The following PBX3 variants were observed in gnomAD, a reference collection of about 807,000 sequenced individuals.
The protein encoded by PBX3 is PBX homeobox 3.
Under a neutral mutation model 48.5 loss-of-function variants are expected in PBX3, and 14 were observed. The observed-to-expected ratio is 0.29, with a 90% CI of 0.19 to 0.45. The LOEUF (loss-of-function observed/expected upper bound fraction) is 0.45, where lower values mean the gene tolerates loss of function less well. Ranked by LOEUF, PBX3 falls within the 20% of genes least tolerant of loss-of-function variation. The pLI is 1.00. For synonymous variants in PBX3, 210 were observed against 200.3 expected, an observed-to-expected ratio of 1.05 and a Z score of -0.41; for missense variants, 386 against 546.7, an observed-to-expected ratio of 0.71 and a Z score of 2.93.
intron 2 of PBX3, among the ~76,000 whole-genome samples, chr9:125,879,208 G>T (rs1219776415): frequency 2.6e-5 from 4 of 151,284 alleles, no homozygotes; most frequent in African/African-American, 9.7e-5. Context: ...CTCCTGAGTA[G>T]CTGGGACTAC....
chr9:125,939,624 A>G (rs10987052), intron 5 of PBX3, among the ~76,000 whole-genome samples: 10,683 of 152,196 alleles, frequency 0.07, 863 homozygotes, highest in African/African-American at 0.18. Flanking sequence ...ACTGGTAAGA[A>G]CATTCATAGT....
At chr9:125,943,852 A>C (rs992471044) in intron 5 of PBX3, among the ~76,000 whole-genome samples, 1 of 152,226 alleles carries the variant, frequency 6.6e-6, no homozygotes, top group African/African-American at 2.4e-5. Flanking sequence ...AAGGGTCAGT[A>C]GATCTCAAGA....
At chr9:125,778,293 CTG>C (rs1394376160) in intron 2 of PBX3, among the ~76,000 whole-genome samples, 1 of 148,036 alleles carries the variant, frequency 6.8e-6, no homozygotes, top group African/African-American at 2.5e-5. Context: ...GAGTCTCACT[CTG>C]TCGTTCAGGC....
At chr9:125,805,050 A>G (rs1838082875) in intron 2 of PBX3, among the ~76,000 whole-genome samples, 2 of 152,232 alleles carry the variant, frequency 1.3e-5, no homozygotes, top group South Asian at 4.1e-4. Flanking sequence ...AAATCCAAGT[A>G]TATCAACAGA....
chr9:125,912,296 A>G (rs956853877), intron 2 of PBX3, among the ~76,000 whole-genome samples: 3 of 152,164 alleles, frequency 2.0e-5, no homozygotes, highest in African/African-American at 7.2e-5. Flanking sequence ...CCGTAATCAT[A>G]CCATTTGAGT....
At position 125,774,745 on chromosome 9, in the gene PBX3, A is replaced by G. The variant is rs150464123; in HGVS notation, c.274+26122A>G. ...GTATTTATTTGATTACCTGTTTTCA[A>G]TTCTTTTGGTGTACAGCTAGGAGTA... On this transcript the variant is annotated intron_variant, in intron 2 of 8. Transcript: ENST00000373489. Among the ~76,000 whole-genome samples the G allele has an allele frequency of 1.8e-3, 269 of 152,024 alleles. 2 individuals are homozygous for G. Among genetic ancestry groups the G allele is most frequent in the Middle Eastern group, 3.4e-3 (1 of 294 alleles).
At chr9:125,793,362 AAAAAATATATATAT>A (rs997826945) in intron 2 of PBX3, among the ~76,000 whole-genome samples, 2 of 65,652 alleles carry the variant, frequency 3.0e-5, no homozygotes, top group African/African-American at 1.1e-4. Context: ...GGGGGGAAAA[AAAAAATATATATAT>A]ATATATATAT....
At chr9:125,853,197 A>G (rs1049831025) in intron 2 of PBX3, among the ~76,000 whole-genome samples, 3 of 152,166 alleles carry the variant, frequency 2.0e-5, no homozygotes, top group Non-Finnish European at 4.4e-5. Context: ...TGAATTAAGA[A>G]TTACTTTAAG....
chr9:125,867,280 A>G (rs966205070), intron 2 of PBX3, among the ~76,000 whole-genome samples: 1 of 152,162 alleles, frequency 6.6e-6, no homozygotes, highest in Admixed American at 6.5e-5. Flanking sequence ...TGGGTAATAC[A>G]TTTTTAGATG....
intron 2 of PBX3, among the ~76,000 whole-genome samples, chr9:125,758,107 C>G (rs192144528): frequency 6.6e-6 from 1 of 152,232 alleles, no homozygotes; most frequent in Non-Finnish European, 1.5e-5. Flanking sequence ...TGACTGTGAT[C>G]AAGTAGAGAT....
intron 2 of PBX3, among the ~76,000 whole-genome samples, chr9:125,834,315 T>C (rs1173243503): frequency 3.3e-5 from 5 of 152,176 alleles, no homozygotes; most frequent in Non-Finnish European, 5.9e-5. Flanking sequence ...ACTCTAAAGA[T>C]GTCACCTTTC....
At chr9:125,903,900 G>A (rs1841009741) in intron 2 of PBX3, among the ~76,000 whole-genome samples, 2 of 151,778 alleles carry the variant, frequency 1.3e-5, no homozygotes, top group South Asian at 2.1e-4. Context: ...CCTTCCAGCT[G>A]TGTGACTATG....
intron 2 of PBX3, among the ~76,000 whole-genome samples, chr9:125,825,073 C>T (rs1023748064): frequency 6.6e-6 from 1 of 152,150 alleles, no homozygotes; most frequent in Admixed American, 6.5e-5. Context: ...CACTTGAGCT[C>T]AGGAGTTCGA....
chr9:125,806,446 G>A (rs1478314380), intron 2 of PBX3, among the ~76,000 whole-genome samples: 2 of 152,198 alleles, frequency 1.3e-5, no homozygotes, highest in Non-Finnish European at 2.9e-5. Flanking sequence ...CAGGTTCGGT[G>A]TCTGGTCAGG....
chr9:125,862,117 C>G (rs886559974), intron 2 of PBX3, among the ~76,000 whole-genome samples: 1 of 152,136 alleles, frequency 6.6e-6, no homozygotes, highest in Admixed American at 6.5e-5. Context: ...TTAACAGTTG[C>G]TGCCAGCCAG....
intron 2 of PBX3, among the ~76,000 whole-genome samples, chr9:125,791,925 G>A (rs963957698): frequency 2.0e-5 from 3 of 151,792 alleles, no homozygotes; most frequent in Admixed American, 6.6e-5. Context: ...CTCTCCAGCC[G>A]TGCTTCCCAT....
chr9:125,856,912 A>T (rs1217923106), intron 2 of PBX3, among the ~76,000 whole-genome samples: 3 of 152,148 alleles, frequency 2.0e-5, no homozygotes, highest in Non-Finnish European at 4.4e-5. Context: ...GCCCAATTCT[A>T]TTGTAATATT....
intron 2 of PBX3, among the ~76,000 whole-genome samples, chr9:125,785,697 A>G (rs967539907): frequency 1.8e-4 from 27 of 152,166 alleles, no homozygotes; most frequent in African/African-American, 5.8e-4. Context: ...ATTTATACAT[A>G]TATCCTGTTA....
chr9:125,839,628 A>G (rs1839232940), intron 2 of PBX3, among the ~76,000 whole-genome samples: 1 of 152,172 alleles, frequency 6.6e-6, no homozygotes, highest in Admixed American at 6.5e-5. Context: ...AAGCCTGGAA[A>G]CGAGAGTCTT....
Sources: allele counts gnomAD v4.1 joint callset (sites outside exome capture counted in the v4.1 genomes callset), GRCh38; gene constraint gnomAD v4.1.1; transcripts MANE v1.5; gene names NCBI Gene and HGNC (gene_info 2026-07-23, HGNC 2026-07-21).